ASCC3: variants seen among roughly 807,000 people sequenced by gnomAD.
ASCC3 encodes ASC-1 complex subunit P200.
A neutral mutation model predicts 256.3 loss-of-function variants in ASCC3; 158 were observed. The ratio of observed to expected loss-of-function variants is 0.62; its 90% CI spans 0.54 to 0.70. ASCC3 has a LOEUF of 0.70. ASCC3 is among the 30% of genes least tolerant of loss of function. The pLI is 0.00. For synonymous variants in ASCC3, 948 were observed against 883.4 expected (o/e 1.07, Z -1.30); for missense variants, 2,259 against 2,626.0 (o/e 0.86, Z 3.05).
chr6:100,767,364 A>G lies in ASCC3; in HGVS notation c.1396-19T>C, dbSNP rs1261461804. ...GTCCGATCTAAAAAAAAAAGGCATC[A>G]CCCATTATAAATAGTAACAATGTGA... is the stretch of plus-strand genomic sequence containing the variant. On this transcript the variant is annotated intron_variant, in intron 8 of 41. Coordinates refer to ENST00000369162, the MANE Select transcript of ASCC3 (RefSeq NM_006828.4). The G allele has an allele frequency of 1.1e-5, 18 of 1,604,810 alleles. No homozygotes were observed. Among genetic ancestry groups the G allele is most frequent in the Non-Finnish European group, 1.5e-5 (18 of 1,172,924 alleles).
At chr6:100,851,532 A>AG (rs1248140307) in intron 3 of ASCC3, among the ~76,000 whole-genome samples, 2 of 152,214 alleles carry the variant, frequency 1.3e-5, no homozygotes, top group Admixed American at 1.3e-4. Context: ...TCACAGAAAC[A>AG]TCAACAAAGA....
chr6:100,609,634 T>C (rs1773290392), intron 30 of ASCC3, among the ~76,000 whole-genome samples: 1 of 152,164 alleles, frequency 6.6e-6, no homozygotes, highest in African/African-American at 2.4e-5. Context: ...CTGGGTGTGG[T>C]GGCTCAAACC....
At chr6:100,828,822 C>G (rs2895068) in intron 4 of ASCC3, among the ~76,000 whole-genome samples, 19,613 of 152,026 alleles carry the variant, frequency 0.13, 1,536 homozygotes, top group Non-Finnish European at 0.18. Context: ...AAGAACAAAG[C>G]TTCCACAGTG....
chr6:100,784,273 G>T (rs1292328313), intron 8 of ASCC3, among the ~76,000 whole-genome samples: 1 of 152,032 alleles, frequency 6.6e-6, no homozygotes, highest in East Asian at 1.9e-4. Flanking sequence ...TCTGAGTGTT[G>T]AAGATTTATT....
intron 13 of ASCC3, among the ~76,000 whole-genome samples, chr6:100,683,521 T>G (rs1314202804): frequency 6.6e-6 from 1 of 152,164 alleles, no homozygotes; most frequent in African/African-American, 2.4e-5. Context: ...GTTTTGGGTC[T>G]CTATAAACAC....
At chr6:100,778,304 A>T (rs2114253201) in intron 8 of ASCC3, among the ~76,000 whole-genome samples, 1 of 152,260 alleles carries the variant, frequency 6.6e-6, no homozygotes, top group East Asian at 1.9e-4. Flanking sequence ...AAGGATTTTT[A>T]AAAATTAATT....
intron 36 of ASCC3, among the ~76,000 whole-genome samples, chr6:100,564,027 A>G (rs1339082584): frequency 6.6e-6 from 1 of 151,964 alleles, no homozygotes; most frequent in East Asian, 1.9e-4. Context: ...TTTGACGCCA[A>G]AGCCCATCTT....
At chr6:100,770,591 C>T (rs1338115213) in intron 8 of ASCC3, among the ~76,000 whole-genome samples, 4 of 151,824 alleles carry the variant, frequency 2.6e-5, no homozygotes, top group Admixed American at 6.6e-5. Context: ...TGTAAAAAAT[C>T]GGATGGAATC....
rs568306792 is a variant in ASCC3, at chr6:100,778,557, G to A, written c.1396-11212C>T. 2.1e-3 allele frequency among the ~76,000 whole-genome samples: 317 copies of A among 152,072 alleles called. 3 individuals carry two copies. Among genetic ancestry groups the A allele is most frequent in the Admixed American group, 2.9e-3 (44 of 15,256 alleles). On this transcript the variant is annotated intron_variant, in intron 8 of 41. Coordinates refer to ENST00000369162, the MANE Select transcript of ASCC3 (RefSeq NM_006828.4). ...TTAGGGTTTATCAACTGTATTTGTG[G>A]TCAATGGAATTTTGTAATATACTAC...
chr6:100,661,115 T>A (rs1216385452), intron 16 of ASCC3, among the ~76,000 whole-genome samples: 1 of 151,768 alleles, frequency 6.6e-6, no homozygotes, highest in African/African-American at 2.4e-5. Flanking sequence ...TTTCAAGTAT[T>A]GTTTGAGTCA....
chr6:100,712,510 A>G (rs1778898537), intron 13 of ASCC3, among the ~76,000 whole-genome samples: 1 of 152,180 alleles, frequency 6.6e-6, no homozygotes, highest in African/African-American at 2.4e-5. Flanking sequence ...GCATATGAAA[A>G]GACGCTTAAT....
chr6:100,702,644 A>G (rs1778406907), intron 13 of ASCC3, among the ~76,000 whole-genome samples: 1 of 152,162 alleles, frequency 6.6e-6, no homozygotes, highest in Non-Finnish European at 1.5e-5. Context: ...TGCTATAAAG[A>G]ATGAGGAATG....
chr6:100,835,263 G>A (rs1385780642), intron 4 of ASCC3, among the ~76,000 whole-genome samples: 1 of 152,020 alleles, frequency 6.6e-6, no homozygotes. Context: ...TTGTTGTACA[G>A]ATGCTTTTTA....
At chr6:100,637,684 G>C (rs1774909778) in intron 25 of ASCC3, among the ~76,000 whole-genome samples, 1 of 152,114 alleles carries the variant, frequency 6.6e-6, no homozygotes, top group African/African-American at 2.4e-5. Flanking sequence ...ACATTAACAG[G>C]AGTTAGGAAG....
intron 33 of ASCC3, among the ~76,000 whole-genome samples, chr6:100,603,784 C>A (rs1486568432): frequency 2.0e-5 from 3 of 151,934 alleles, no homozygotes; most frequent in Admixed American, 6.6e-5. Flanking sequence ...ATAGAATAAG[C>A]TGCATGTGGT....
At chr6:100,580,024 G>A (rs747068257) in intron 36 of ASCC3, among the ~76,000 whole-genome samples, 10 of 152,030 alleles carry the variant, frequency 6.6e-5, no homozygotes, top group Admixed American at 3.3e-4. Flanking sequence ...TACAATTCTC[G>A]TTATAGAGAT....
rs553669760 is a variant in ASCC3, at chr6:100,648,220, T to C, written c.3253-769A>G. ...TTATTAATAGACATATAGAAAGTTA[T>C]AATGAATGTAGTCTTTTTCTTCACA... On this transcript the variant is annotated intron_variant, in intron 20 of 41. Transcript: ENST00000369162. Among the ~76,000 whole-genome samples the C allele has an allele frequency of 1.6e-3, 236 of 152,114 alleles. 2 individuals carry two copies. The Middle Eastern group carries it at 0.024, about 15-fold the overall frequency.
At chr6:100,560,294 G>A (rs1582449161) in intron 36 of ASCC3, among the ~76,000 whole-genome samples, 1 of 152,222 alleles carries the variant, frequency 6.6e-6, no homozygotes, top group East Asian at 1.9e-4. Context: ...AGACAACAAA[G>A]AAAAACAGAG....
At chr6:100,526,838 C>G (rs932965591) in intron 37 of ASCC3, among the ~76,000 whole-genome samples, 1 of 152,148 alleles carries the variant, frequency 6.6e-6, no homozygotes, top group Non-Finnish European at 1.5e-5. Context: ...TCCGGGCAGT[C>G]TGGCCAGGAA....
Sources: gnomAD v4.1 joint callset for allele counts (sites outside exome capture counted in the v4.1 genomes callset) on GRCh38, gnomAD v4.1.1 for gene constraint, MANE v1.5 for transcripts, NCBI Gene and HGNC (gene_info 2026-07-23, HGNC 2026-07-21) for gene names.